The following DNAH17 variants were observed in gnomAD, a reference collection of about 807,000 sequenced individuals.
DNAH17 encodes the protein dynein axonemal heavy chain 17, also known as axonemal beta dynein heavy chain 17.
A neutral mutation model predicts 485.6 loss-of-function variants in DNAH17; 376 were observed. The observed-to-expected ratio is 0.77, with a 90% confidence interval of 0.71 to 0.84. The LOEUF (loss-of-function observed/expected upper bound fraction) is 0.84, where lower values mean the gene tolerates loss of function less well. Ranked by LOEUF, DNAH17 falls within the 40% of genes least tolerant of loss-of-function variation. The pLI is 0.00. For synonymous variants in DNAH17, 3,031 were observed against 2,405.9 expected (o/e 1.26, Z -7.60); for missense variants, 6,370 against 5,839.3 (o/e 1.09, Z -2.96).
At chr17:78,571,430 C>T (rs2092356093) in intron 4 of DNAH17, 52 bp from the exon 5 acceptor site, 8 of 1,513,048 alleles carry the variant, frequency 5.3e-6, no homozygotes, top group South Asian at 2.3e-5. Flanking sequence ...GACCCTAAGG[C>T]GAGGCCAACC....
chr17:78,427,692 C>T (rs538087245), intron 77 of DNAH17, among the ~76,000 whole-genome samples: 3 of 152,342 alleles, frequency 2.0e-5, no homozygotes, highest in South Asian at 4.1e-4. Flanking sequence ...GAAGTACAGG[C>T]CAGGTACAGT....
Position 78,439,148 on chromosome 17 carries a change from A to AC in DNAH17, c.11746dup (p.Val3916GlyfsTer4). ...CACGTCCAGGGCGTTCTCAGCCACC[A>AC]CCTCTTGTCCCTGCCCCAGGGACAC... On this transcript the variant is annotated frameshift_variant, in exon 73 of 81. Coordinates refer to ENST00000389840, the MANE Select transcript of DNAH17 (RefSeq NM_173628.4). LOFTEE classifies it high-confidence loss of function. The AC allele has an allele frequency of 6.2e-7, 1 of 1,613,338 alleles. No individual in the cohort carries two copies.
At chr17:78,478,196 C>A (rs1598530866) in intron 51 of DNAH17, among the ~76,000 whole-genome samples, 1 of 108,196 alleles carries the variant, frequency 9.2e-6, no homozygotes, top group South Asian at 3.1e-4. Flanking sequence ...TTATCACCAT[C>A]ATATCACCAC....
chr17:78,427,479 G>A (rs1210020501), intron 77 of DNAH17, among the ~76,000 whole-genome samples: 5 of 152,164 alleles, frequency 3.3e-5, no homozygotes, highest in African/African-American at 1.2e-4. Flanking sequence ...GGACCATGCT[G>A]GTCACACCCT....
rs1308895314 is a variant in DNAH17, at chr17:78,551,658, G to T, written c.2288-20C>A. ...ACACACCTAAAATGGAAATGTAGAG[G>T]AATCTTACAAAATGAACAATTCAGG... On this transcript the variant is annotated intron_variant, in intron 15 of 80. Coordinates refer to ENST00000389840, the MANE Select transcript of DNAH17 (RefSeq NM_173628.4). 1 of 1,611,418 alleles carries T rather than the reference G, an allele frequency of 6.2e-7. No homozygotes were observed. The highest frequency in any genetic ancestry group is 1.7e-5 in the Admixed American group (1 of 59,964).
In DNAH17 at chr17:78,439,128, C is replaced by A. The variant is rs1452203118; in HGVS notation, c.11767G>T (p.Asp3923Tyr). ...CAGTGTCCTTTCTCTGCAGCCACGTCCAGGGCGTTCTCAGCCACCACCTCT... is the reference window on the plus strand; with the variant it reads ...CAGTGTCCTTTCTCTGCAGCCACGTACAGGGCGTTCTCAGCCACCACCTCT... ...GQEVVAENAL[D>Y]VAAEKGHWVI... The change falls in exon 73 of 81, where the codon GAC becomes TAC. Residue 3923 changes from aspartate to tyrosine, a missense_variant. Transcript: ENST00000389840. The A allele has an allele frequency of 6.2e-7, 1 of 1,613,626 alleles. No individual in the cohort carries two copies. Among genetic ancestry groups the A allele is most frequent in the Non-Finnish European group, 8.5e-7 (1 of 1,179,824 alleles).
rs1310081008 is a variant in DNAH17 at position 78,514,975 on chromosome 17, G to T, written c.3912C>A (p.Ile1304=). ...AATCTATGTCCATCTGCTCAACGTT[G>T]ATATCTTTCCACTTGGTGGTCTTCC... ...EDWKTTKWKD[I]NVEQMDIDCK... is the part of the protein sequence containing the mutation. Residue 1304 remains isoleucine (I), a synonymous_variant, in exon 26 of 81, where the codon ATC becomes ATA. Transcript: ENST00000389840. The T allele has an allele frequency of 5.0e-6, 8 of 1,613,904 alleles. No individual in the cohort carries two copies. Among genetic ancestry groups the T allele is most frequent in the Non-Finnish European group, 6.8e-6 (8 of 1,179,910 alleles).
chr17:78,483,024 C>A (rs1178588149), intron 48 of DNAH17, among the ~76,000 whole-genome samples: 1 of 152,224 alleles, frequency 6.6e-6, no homozygotes, highest in Non-Finnish European at 1.5e-5. Flanking sequence ...GCCGCCACAG[C>A]CCTCACAGTA....
rs666463 is a variant in DNAH17, at chr17:78,429,399, A to T, written c.12226-99T>A. ...GCAGGCAGGGCGTGGGAACCCAGCCATTGGTGCTGTGTCCTTCTCGCCCTC... is the reference window on the plus strand; with the variant it reads ...GCAGGCAGGGCGTGGGAACCCAGCCTTTGGTGCTGTGTCCTTCTCGCCCTC... On this transcript the variant is annotated intron_variant, in intron 75 of 80. Coordinates refer to ENST00000389840, the MANE Select transcript of DNAH17 (RefSeq NM_173628.4). 215,125 of 1,331,420 alleles carry T rather than the reference A, an allele frequency of 0.16. 18,395 individuals carry two copies. Among genetic ancestry groups the T allele is most frequent in the Middle Eastern group, 0.2 (1,043 of 5,208 alleles). 82.5% of individuals were successfully genotyped at this position (1,331,420 alleles called of 1,614,324 possible).
Position 78,574,851 on chromosome 17 carries a change from G to C in DNAH17, c.207C>G (p.Pro69=). The change falls in exon 2 of 81, where the codon CCC becomes CCG. Residue 69 remains proline, a synonymous_variant. Transcript: ENST00000389840. ...AAACCCCTTTGGACTTGAGGGACTG[G>C]GGGAAGCCCAGGCAGGGTATGATCA... ...AGMIIPCLGF[P]QSLKSKGVYF... is the part of the protein sequence containing the mutation. 1 of 1,614,020 alleles carries C rather than the reference G, an allele frequency of 6.2e-7. No individual in the cohort carries two copies. The highest frequency in any genetic ancestry group is 8.5e-7 in the Non-Finnish European group (1 of 1,179,882).
chr17:78,424,267 CA>C, intron 80 of DNAH17, 114 bp from the exon 81 acceptor site: 1 of 1,345,206 alleles, frequency 7.4e-7, no homozygotes, highest in Non-Finnish European at 9.9e-7. Flanking sequence ...GGCTCTACCC[CA>C]AAAGGCTTCA....
At chr17:78,556,530 C>A (rs80325634) in intron 14 of DNAH17, among the ~76,000 whole-genome samples, 15,086 of 152,248 alleles carry the variant, frequency 0.099, 989 homozygotes, top group South Asian at 0.17. Flanking sequence ...AGTGTCCAGA[C>A]TGGCCCTGTT....
At chr17:78,489,056 T>A (rs1336773300) in intron 44 of DNAH17, among the ~76,000 whole-genome samples, 3 of 152,232 alleles carry the variant, frequency 2.0e-5, no homozygotes, top group Admixed American at 1.3e-4. Context: ...AGCTGGAGAA[T>A]GCTGTATAAG....
chr17:78,466,435 T>TA (rs1197962453), intron 56 of DNAH17, among the ~76,000 whole-genome samples: 3 of 151,134 alleles, frequency 2.0e-5, no homozygotes, highest in Non-Finnish European at 4.4e-5. Flanking sequence ...GAATTATCAA[T>TA]AAAAAATAAA....
In DNAH17 at chr17:78,501,280, C is replaced by A; in HGVS notation, c.5387G>T (p.Arg1796Leu). The A allele has an allele frequency of 6.2e-7, 1 of 1,608,576 alleles. No individual in the cohort carries two copies. The highest frequency in any genetic ancestry group is 8.5e-7 in the Non-Finnish European group (1 of 1,175,430). The part of the protein sequence containing the change: ...QLRHRWDEEK[R>L]HCFANICDAQ... ...ATCGCAGATGTTGGCAAAGCAGTGTCGCTTCTCTTCGTCCCAGCGATGCCG... is the reference window on the plus strand; with the variant it reads ...ATCGCAGATGTTGGCAAAGCAGTGTAGCTTCTCTTCGTCCCAGCGATGCCG... The change falls in exon 35 of 81, where the codon CGA becomes CTA. Residue 1796 changes from arginine to leucine, a missense_variant. By Grantham distance (102) the Arg-to-Leu change is moderately radical (BLOSUM62 -2). Coordinates refer to ENST00000389840, the MANE Select transcript of DNAH17 (RefSeq NM_173628.4).
chr17:78,439,347 A>C, intron 72 of DNAH17, 130 bp from the exon 73 acceptor site: 1 of 1,122,100 alleles, frequency 8.9e-7, no homozygotes, highest in Non-Finnish European at 1.2e-6. Context: ...ACATGACATA[A>C]AACTTGCTGT....
intron 67 of DNAH17, 111 bp downstream of exon 67, chr17:78,450,571 C>A: frequency 1.4e-6 from 2 of 1,436,798 alleles, no homozygotes; most frequent in South Asian, 2.7e-5. Context: ...CACTCGGGCA[C>A]GTATGACCGA....
At chr17:78,441,367 C>T (rs572669794) in intron 71 of DNAH17, among the ~76,000 whole-genome samples, 168 bp from the exon 72 acceptor site, 103 of 152,202 alleles carry the variant, frequency 6.8e-4, no homozygotes, top group African/African-American at 2.2e-3. Flanking sequence ...TTCCTTTCTG[C>T]GAGGGATTGG....
intron 64 of DNAH17, among the ~76,000 whole-genome samples, chr17:78,454,074 T>C (rs2087676616): frequency 2.0e-5 from 3 of 152,046 alleles, no homozygotes; most frequent in African/African-American, 7.2e-5. Flanking sequence ...CGCCATTGGA[T>C]TTTCCAGCAC....
Sources: allele counts gnomAD v4.1 joint callset (sites outside exome capture counted in the v4.1 genomes callset), GRCh38; gene constraint gnomAD v4.1.1; transcripts MANE v1.5; gene names NCBI Gene and HGNC (gene_info 2026-07-23, HGNC 2026-07-21).